The following HECW2 variants were observed in gnomAD, a reference collection of about 807,000 sequenced individuals.
HECW2 encodes the protein HECT, C2 and WW domain containing E3 ubiquitin protein ligase 2, also known as E3 ubiquitin-protein ligase HECW2.
Under a neutral mutation model 175.2 loss-of-function variants are expected in HECW2, and 61 were observed. That is an observed-to-expected ratio of 0.35 (90% CI 0.28 to 0.43). HECW2 has a LOEUF of 0.43. Ranked by LOEUF, HECW2 falls within the 20% of genes least tolerant of loss-of-function variation. HECW2 has a pLI of 1.00. For synonymous variants in HECW2, 671 were observed against 731.0 expected (o/e 0.92, Z 1.32); for missense variants, 1,524 against 2,000.5 (o/e 0.76, Z 4.54).
intron 1 of HECW2, among the ~76,000 whole-genome samples, chr2:196,592,008 G>A (rs913888876): frequency 3.3e-5 from 5 of 152,138 alleles, no homozygotes; most frequent in South Asian, 4.1e-4. Context: ...ACCCTCGAGG[G>A]AATAGGAGAA....
At chr2:196,206,307 A>T (rs1687065904) in intron 28 of HECW2, among the ~76,000 whole-genome samples, 1 of 152,260 alleles carries the variant, frequency 6.6e-6, no homozygotes, top group Admixed American at 6.5e-5. Flanking sequence ...AATATTAAGA[A>T]GATTTAAAAA....
intron 1 of HECW2, among the ~76,000 whole-genome samples, chr2:196,451,702 C>A (rs1229200017): frequency 1.3e-5 from 2 of 152,024 alleles, no homozygotes; most frequent in African/African-American, 4.8e-5. Context: ...AGTTTGAGAG[C>A]AGCCTGGCCA....
At chr2:196,330,080 T>C (rs1228347070) in intron 4 of HECW2, among the ~76,000 whole-genome samples, 1 of 152,186 alleles carries the variant, frequency 6.6e-6, no homozygotes, top group East Asian at 1.9e-4. Context: ...TACAGAATTA[T>C]GCTCTCTCGT....
chr2:196,552,334 T>TG (rs1689628011), intron 1 of HECW2, among the ~76,000 whole-genome samples: 1 of 152,192 alleles, frequency 6.6e-6, no homozygotes, highest in Non-Finnish European at 1.5e-5. Flanking sequence ...CTTAGGCCCT[T>TG]GGCTGCCTGG....
chr2:196,321,184 C>T (rs1416330068), intron 7 of HECW2, among the ~76,000 whole-genome samples: 1 of 152,126 alleles, frequency 6.6e-6, no homozygotes, highest in Non-Finnish European at 1.5e-5. Flanking sequence ...CAGATGTGCC[C>T]CTGTGGTGGG....
intron 1 of HECW2, among the ~76,000 whole-genome samples, chr2:196,536,568 A>G (rs1233109338): frequency 6.6e-6 from 1 of 152,142 alleles, no homozygotes; most frequent in African/African-American, 2.4e-5. Context: ...ATTTTAAAAA[A>G]CTTTTGTTCC....
intron 1 of HECW2, among the ~76,000 whole-genome samples, chr2:196,470,360 G>A (rs145086739): frequency 6.6e-6 from 1 of 152,154 alleles, no homozygotes; most frequent in Non-Finnish European, 1.5e-5. Flanking sequence ...ATGGGTCATA[G>A]TAAGGCTGAT....
chr2:196,319,955 A>C, intron 8 of HECW2, 51 bp from the exon 9 acceptor site: 1 of 1,492,480 alleles, frequency 6.7e-7, no homozygotes, highest in Non-Finnish European at 8.9e-7. Context: ...TAATAAGTGA[A>C]CGTTTTATGA....
chr2:196,243,825 C>T (rs753660256), intron 19 of HECW2, among the ~76,000 whole-genome samples: 1 of 152,042 alleles, frequency 6.6e-6, no homozygotes, highest in Non-Finnish European at 1.5e-5. Context: ...GTGATCCGCC[C>T]ACCTCGGCCT....
At position 196,418,921 on chromosome 2, in the gene HECW2, A is replaced by G. The variant is rs527856771; in HGVS notation, c.292+14211T>C. Among the ~76,000 whole-genome samples the G allele has an allele frequency of 1.9e-4, 29 of 152,364 alleles. No homozygotes were observed. The East Asian group carries it at 4.2e-3, about 22-fold the overall frequency. ...AAACAGATGAATGAATACCAAAGAT[A>G]TTCTGTTCAATAAAATCATTAGTTG... is the stretch of plus-strand genomic sequence containing the variant. On this transcript the variant is annotated intron_variant, in intron 2 of 28. Coordinates refer to ENST00000644978, the MANE Select transcript of HECW2 (RefSeq NM_001348768.2).
At chr2:196,388,260 C>T (rs1416668643) in intron 2 of HECW2, among the ~76,000 whole-genome samples, 2 of 152,162 alleles carry the variant, frequency 1.3e-5, no homozygotes, top group Admixed American at 1.3e-4. Flanking sequence ...GACTACTGTA[C>T]TCCAGTATGG....
intron 14 of HECW2, chr2:196,292,284 A>G (rs1690630102): frequency 3.1e-6 from 1 of 324,144 alleles, no homozygotes; most frequent in Non-Finnish European, 5.7e-6. Context: ...TTCTCTAATC[A>G]GCAGAGCATA....
chr2:196,427,735 T>C (rs1460425456), intron 2 of HECW2, among the ~76,000 whole-genome samples: 1 of 152,154 alleles, frequency 6.6e-6, no homozygotes, highest in African/African-American at 2.4e-5. Flanking sequence ...TTAATTGTTG[T>C]AATTTGGAGG....
intron 1 of HECW2, among the ~76,000 whole-genome samples, chr2:196,579,776 A>G (rs1690702725): frequency 6.6e-6 from 1 of 152,194 alleles, no homozygotes. Flanking sequence ...TGACACACAG[A>G]TAGACACCAG....
chr2:196,279,045 A>G (rs111966826), intron 14 of HECW2, among the ~76,000 whole-genome samples: 1 of 136,508 alleles, frequency 7.3e-6, no homozygotes, highest in Non-Finnish European at 1.6e-5. Context: ...CTTGAAACTT[A>G]AAAAAAAAAA....
At chr2:196,527,441 C>T (rs568717375) in intron 1 of HECW2, among the ~76,000 whole-genome samples, 9 of 152,338 alleles carry the variant, frequency 5.9e-5, no homozygotes, top group African/African-American at 1.7e-4. Context: ...CCTTCTTCTG[C>T]GTCGCTCACG....
At chr2:196,581,524 A>ACT (rs796496144) in intron 1 of HECW2, among the ~76,000 whole-genome samples, 64 of 152,234 alleles carry the variant, frequency 4.2e-4, no homozygotes, top group African/African-American at 1.5e-3. Context: ...ATACAGTGAG[A>ACT]CTCTATCTCA....
chr2:196,454,168 C>T (rs575006387), intron 1 of HECW2, among the ~76,000 whole-genome samples: 91 of 152,212 alleles, frequency 6.0e-4, no homozygotes, highest in Admixed American at 1.0e-3. Flanking sequence ...CCATATTGGC[C>T]AAGCTGGTCT....
rs1181254611 is a variant in HECW2, at chr2:196,367,225, A to G, written c.293-23461T>C. On this transcript the variant is annotated intron_variant, in intron 2 of 28. Coordinates refer to ENST00000644978, the MANE Select transcript of HECW2 (RefSeq NM_001348768.2). ...CCACATGCTGAAAGAGTAGTTCTTA[A>G]ATTTTACGTGTCTTAGAATCATCTG... 2.0e-5 allele frequency among the ~76,000 whole-genome samples: 3 copies of G among 152,204 alleles called. No homozygotes were observed. The South Asian group carries it at 6.2e-4, about 31-fold the overall frequency.
Sources: gnomAD v4.1 joint callset for allele counts (sites outside exome capture counted in the v4.1 genomes callset) on GRCh38, gnomAD v4.1.1 for gene constraint, MANE v1.5 for transcripts, NCBI Gene and HGNC (gene_info 2026-07-23, HGNC 2026-07-21) for gene names.